Variants in GRM7 observed in about 807,000 individuals in gnomAD.
GRM7 encodes the protein glutamate metabotropic receptor 7.
Under a neutral mutation model 84.5 loss-of-function variants are expected in GRM7, and 35 were observed. The ratio of observed to expected loss-of-function variants is 0.41; its 90% confidence interval spans 0.32 to 0.55. The LOEUF is 0.55. GRM7 is among the 20% of genes least tolerant of loss of function. The pLI, the probability that GRM7 is intolerant of heterozygous loss-of-function variation, is 0.19. For missense variants in GRM7, 1,003 were observed against 1,194.6 expected, an observed-to-expected ratio of 0.84 and a Z score of 2.36; for synonymous variants, 487 against 455.1, an observed-to-expected ratio of 1.07 and a Z score of -0.89.
At chr3:7,675,027 A>G (rs1434553197) in intron 8 of GRM7, among the ~76,000 whole-genome samples, 1 of 152,092 alleles carries the variant, frequency 6.6e-6, no homozygotes, top group East Asian at 1.9e-4. Context: ...ACACCACGAA[A>G]TAGCCGCATA....
chr3:7,646,255 A>C (rs1314791212), intron 8 of GRM7, among the ~76,000 whole-genome samples: 2 of 152,118 alleles, frequency 1.3e-5, no homozygotes, highest in Non-Finnish European at 2.9e-5. Flanking sequence ...AAAGTGGTGC[A>C]ATCTCGGCTC....
intron 2 of GRM7, among the ~76,000 whole-genome samples, chr3:7,222,354 C>T (rs1696834275): frequency 6.6e-6 from 1 of 151,864 alleles, no homozygotes. Flanking sequence ...GGACCTGACT[C>T]CCAACCCCCA....
intron 8 of GRM7, among the ~76,000 whole-genome samples, chr3:7,667,531 T>C (rs542076795): frequency 2.0e-3 from 297 of 152,244 alleles, no homozygotes; most frequent in African/African-American, 6.4e-3. Context: ...TTTTAAAAAA[T>C]TCATCCATCA....
At chr3:7,228,203 A>G (rs1396673013) in intron 2 of GRM7, among the ~76,000 whole-genome samples, 1 of 152,160 alleles carries the variant, frequency 6.6e-6, no homozygotes, top group Non-Finnish European at 1.5e-5. Flanking sequence ...GATAAGGGAA[A>G]GTGCTGATGT....
rs370859175 is a variant in GRM7 at position 7,644,648 on chromosome 3, G to T, written c.2452-35401G>T. ...TCTTTGAAAGGGTAGTCCTGGGAAT[G>T]TTAGCTGGGGAAAATAAGAATGTGA... is the stretch of plus-strand genomic sequence containing the variant. On this transcript the variant is annotated intron_variant, in intron 8 of 9. Transcript: ENST00000357716. Among the ~76,000 whole-genome samples the T allele has an allele frequency of 7.9e-5, 12 of 152,306 alleles. No individual in the cohort carries two copies. In the South Asian group the frequency reaches 8.3e-4, roughly 11 times the overall value.
chr3:7,192,948 C>A (rs1229147381), intron 2 of GRM7, among the ~76,000 whole-genome samples: 1 of 152,140 alleles, frequency 6.6e-6, no homozygotes, highest in Non-Finnish European at 1.5e-5. Context: ...ATCATTTCTT[C>A]TAAACTTCCA....
chr3:7,701,585 A>G (rs927148292), intron 9 of GRM7, among the ~76,000 whole-genome samples: 21 of 152,112 alleles, frequency 1.4e-4, no homozygotes, highest in African/African-American at 4.3e-4. Flanking sequence ...TACAGGTGTG[A>G]GCCACCATGC....
intron 9 of GRM7, chr3:7,680,529 C>G (rs978051529): frequency 7.7e-6 from 4 of 516,656 alleles, no homozygotes; most frequent in Non-Finnish European, 1.4e-5. Context: ...AAGTGTGAAG[C>G]CTCCCCCTTC....
intron 4 of GRM7, among the ~76,000 whole-genome samples, chr3:7,357,792 CA>C (rs954947768): frequency 7.9e-5 from 12 of 151,772 alleles, no homozygotes; most frequent in Admixed American, 1.3e-4. Context: ...TAATTTTCTT[CA>C]AAAAAACATT....
At chr3:7,405,279 C>T (rs953505971) in intron 4 of GRM7, among the ~76,000 whole-genome samples, 5 of 152,000 alleles carry the variant, frequency 3.3e-5, no homozygotes, top group Admixed American at 1.3e-4. Context: ...TTTTAAAGCA[C>T]CAAGCTAGAA....
chr3:6,926,871 A>G (rs1697316912), intron 1 of GRM7, among the ~76,000 whole-genome samples: 1 of 152,244 alleles, frequency 6.6e-6, no homozygotes, highest in East Asian at 1.9e-4. Context: ...ACATCTTTGT[A>G]CAACATATTT....
At chr3:7,506,839 C>T (rs1700054059) in intron 7 of GRM7, among the ~76,000 whole-genome samples, 1 of 152,160 alleles carries the variant, frequency 6.6e-6, no homozygotes, top group African/African-American at 2.4e-5. Context: ...CTCATGAGGG[C>T]AGAGCCAACA....
intron 8 of GRM7, among the ~76,000 whole-genome samples, chr3:7,580,604 G>C (rs980989184): frequency 6.6e-6 from 1 of 152,064 alleles, no homozygotes; most frequent in South Asian, 2.1e-4. Context: ...ATTCAGAGGG[G>C]CTATAATTTT....
intron 7 of GRM7, among the ~76,000 whole-genome samples, chr3:7,541,605 A>C (rs1050539480): frequency 7.2e-5 from 11 of 152,156 alleles, no homozygotes; most frequent in African/African-American, 1.4e-4. Context: ...TTCTGTAGAA[A>C]ACTGGCTCCA....
intron 1 of GRM7, among the ~76,000 whole-genome samples, chr3:7,019,972 T>C (rs1187426614): frequency 1.3e-5 from 2 of 152,028 alleles, no homozygotes; most frequent in African/African-American, 2.4e-5. Context: ...AAAGGAAAAA[T>C]AAAACCTGTT....
chr3:7,245,393 T>G (rs1337427582), intron 2 of GRM7, among the ~76,000 whole-genome samples: 1 of 151,842 alleles, frequency 6.6e-6, no homozygotes, highest in Non-Finnish European at 1.5e-5. Flanking sequence ...TGAGACTTAT[T>G]GAAGGTAGGC....
chr3:6,926,725 G>C (rs915900099), intron 1 of GRM7, among the ~76,000 whole-genome samples: 1 of 152,176 alleles, frequency 6.6e-6, no homozygotes, highest in Non-Finnish European at 1.5e-5. Context: ...TTGAGTTAGT[G>C]TCCCCTGAAC....
intron 8 of GRM7, among the ~76,000 whole-genome samples, chr3:7,665,907 T>C (rs531004276): frequency 5.9e-5 from 9 of 152,354 alleles, no homozygotes; most frequent in African/African-American, 2.2e-4. Context: ...TTAGGACTTT[T>C]ATATGTGCAC....
At chr3:7,296,150 A>G (rs1327285626) in intron 2 of GRM7, among the ~76,000 whole-genome samples, 1 of 151,978 alleles carries the variant, frequency 6.6e-6, no homozygotes, top group South Asian at 2.1e-4. Context: ...TAAGGTGCTC[A>G]TGGTTTTTCT....
Sources: gnomAD v4.1 joint callset for allele counts (sites outside exome capture counted in the v4.1 genomes callset) on GRCh38, gnomAD v4.1.1 for gene constraint, MANE v1.5 for transcripts, NCBI Gene and HGNC (gene_info 2026-07-23, HGNC 2026-07-21) for gene names.